CYP11B2: variants seen among roughly 807,000 people sequenced by gnomAD.
CYP11B2 encodes cytochrome P450 family 11 subfamily B member 2, also known as cytochrome P450 11B2, mitochondrial.
In CYP11B2, 38 loss-of-function variants were observed where a neutral mutation model predicts 49.3. That is an observed-to-expected ratio of 0.77 (90% confidence interval 0.59 to 1.01). The LOEUF (loss-of-function observed/expected upper bound fraction) is 1.01, where lower values mean the gene tolerates loss of function less well. CYP11B2 is among the 50% of genes least tolerant of loss of function. The pLI is 0.00. For synonymous variants in CYP11B2, 290 were observed against 269.3 expected, an observed-to-expected ratio of 1.08 and a Z score of -0.75; for missense variants, 669 against 655.5, an observed-to-expected ratio of 1.02 and a Z score of -0.23.
intron 1 of CYP11B2, 64 bp from the exon 2 acceptor site, chr8:142,917,278 T>A: frequency 6.4e-7 from 1 of 1,558,286 alleles, no homozygotes; most frequent in Non-Finnish European, 8.8e-7. Context: ...CACCCTGCAG[T>A]CCCAATCCAA....
Position 142,917,700 on chromosome 8 carries a change from G to C in CYP11B2, c.141C>G (p.Asn47Lys). 6.2e-7 allele frequency: 1 copy of C among 1,614,174 alleles called. No homozygotes were observed. Among genetic ancestry groups the C allele is most frequent in the Non-Finnish European group, 8.5e-7 (1 of 1,179,966 alleles). The change falls in exon 1 of 9, where the codon AAC becomes AAG. Residue 47 changes from asparagine to lysine, a missense_variant. Asn to Lys is a moderately conservative substitution (Grantham distance 94). Transcript: ENST00000323110. ...AGATCTGCAGCAGCCTCAGCCACCT[G>C]TTGCCTGGATGCTGGGGCATGGCTT... Reference protein sequence around the residue: ...PFEAMPQHPGNRWLRLLQIWR... With the variant: ...PFEAMPQHPGKRWLRLLQIWR...
At position 142,917,763 on chromosome 8, in the gene CYP11B2, A is replaced by G; in HGVS notation, c.78T>C (p.Thr26=). 6.2e-7 allele frequency: 1 copy of G among 1,614,186 alleles called. No homozygotes were observed. The highest frequency in any genetic ancestry group is 2.2e-5 in the East Asian group (1 of 44,888). ...CCGTCCTAGGGGCCCGAGCGGCTCT[A>G]GTGCCCAGTGCCCGTGCCCTTTGCA... ...LSLQRARALG[T]RAARAPRTVL... is the part of the protein sequence containing the mutation. The change falls in exon 1 of 9, where the codon ACT becomes ACC. Residue 26 remains threonine, a synonymous_variant. Coordinates refer to ENST00000323110, the MANE Select transcript of CYP11B2 (RefSeq NM_000498.3).
Position 142,911,497 on chromosome 8 carries a change from G to A in CYP11B2, c.*483C>T, listed in dbSNP as rs1817534365. 5.2e-6 allele frequency: 1 copy of A among 191,508 alleles called. No individual in the cohort carries two copies. 11.9% of individuals were successfully genotyped at this position (191,508 alleles called of 1,614,324 possible). ...TCAGGGCATGCTCGAGCTGCCTGGGGTCAGGCTGCAGGAGGGAACTTGACT... is the reference window on the plus strand; with the variant it reads ...TCAGGGCATGCTCGAGCTGCCTGGGATCAGGCTGCAGGAGGGAACTTGACT... On this transcript the variant is annotated 3_prime_UTR_variant, in exon 9 of 9. Coordinates refer to ENST00000323110, the MANE Select transcript of CYP11B2 (RefSeq NM_000498.3).
intron 2 of CYP11B2, among the ~76,000 whole-genome samples, chr8:142,915,997 C>A (rs530981721): frequency 6.6e-6 from 1 of 152,312 alleles, no homozygotes; most frequent in East Asian, 1.9e-4. Context: ...GACGCATGTG[C>A]ATGTGTGCAC....
rs772456092 is a variant in CYP11B2 at position 142,912,817 on chromosome 8, A to G, written c.1190T>C (p.Ile397Thr). 3.7e-6 allele frequency: 6 copies of G among 1,613,710 alleles called. No individual in the cohort carries two copies. The East Asian group carries it at 1.1e-4, about 30-fold the overall frequency. The change falls in exon 7 of 9, where the codon ATC becomes ACC. Residue 397 changes from isoleucine to threonine, a missense_variant. Transcript: ENST00000323110. The stretch of plus-strand genomic sequence containing the variant: ...GTGGGGCTCACTCACCCCAGCTGGG[A>G]TGTGGTAGTTCTGAAGCACCAAGTC... Reference protein sequence around the residue: ...SSDLVLQNYHIPAGTLVQVFL... With the variant: ...SSDLVLQNYHTPAGTLVQVFL...
Position 142,911,788 on chromosome 8 carries a change from G to T in CYP11B2, c.*192C>A. On this transcript the variant is annotated 3_prime_UTR_variant, in exon 9 of 9. Transcript: ENST00000323110. Reference sequence around the variant, plus strand: ...TGCCAGCAAGATCGTCTCCAGCTGTGCCCTGGCCTTGCTATTTGACAAGCC... The same window carrying T: ...TGCCAGCAAGATCGTCTCCAGCTGTTCCCTGGCCTTGCTATTTGACAAGCC... 1.3e-6 allele frequency: 1 copy of T among 795,172 alleles called. No individual in the cohort carries two copies. The highest frequency in any genetic ancestry group is 2.0e-6 in the Non-Finnish European group (1 of 508,738). 49.3% of individuals were successfully genotyped at this position (795,172 alleles called of 1,614,324 possible).
chr8:142,912,485 C>T (rs1817552889), intron 8 of CYP11B2, 45 bp downstream of exon 8: 1 of 1,591,580 alleles, frequency 6.3e-7, no homozygotes, highest in East Asian at 2.2e-5. Flanking sequence ...GTGCAGGTCC[C>T]GCCTCTGCTG....
Position 142,911,776 on chromosome 8 carries a change from G to A in CYP11B2, c.*204C>T, listed in dbSNP as rs773811282. The stretch of plus-strand genomic sequence containing the variant: ...AAGGCCAGGCCCTGCCAGCAAGATC[G>A]TCTCCAGCTGTGCCCTGGCCTTGCT... On this transcript the variant is annotated 3_prime_UTR_variant, in exon 9 of 9. Transcript: ENST00000323110. The A allele has an allele frequency of 4.1e-5, 29 of 711,406 alleles. No individual in the cohort carries two copies. The highest frequency in any genetic ancestry group is 4.8e-5 in the Non-Finnish European group (21 of 441,638). 44.1% of individuals were successfully genotyped at this position (711,406 alleles called of 1,614,324 possible).
Position 142,917,147 on chromosome 8 carries a change from C to T in CYP11B2, c.307G>A (p.Val103Met). 6.2e-7 allele frequency: 1 copy of T among 1,614,234 alleles called. No homozygotes were observed. Residue 103 changes from valine (V) to methionine (M), a missense_variant, in exon 2 of 9, where the codon GTG (valine) becomes ATG (methionine). Coordinates refer to ENST00000323110, the MANE Select transcript of CYP11B2 (RefSeq NM_000498.3). Reference protein sequence around the residue: ...LPEDVEKLQQVDSLHPCRMIL... With the variant: ...LPEDVEKLQQMDSLHPCRMIL... ...ATCCTGCAGGGATGCAGGCTGTCCACCTGTTGCAGCTTCTCCACATCCTCC... is the reference window on the plus strand; with the variant it reads ...ATCCTGCAGGGATGCAGGCTGTCCATCTGTTGCAGCTTCTCCACATCCTCC...
intron 8 of CYP11B2, 132 bp from the exon 9 acceptor site, chr8:142,912,225 T>A: frequency 2.0e-6 from 3 of 1,473,380 alleles, no homozygotes; most frequent in Non-Finnish European, 2.8e-6. Flanking sequence ...CCTATCCCAC[T>A]TCTGACCAGC....
Position 142,914,984 on chromosome 8 carries a change from T to C in CYP11B2, c.595+62A>G, listed in dbSNP as rs6416. 2.1e-3 allele frequency: 3,317 copies of C among 1,610,858 alleles called. 11 individuals are homozygous for C. Among genetic ancestry groups the C allele is most frequent in the African/African-American group, 4.2e-3 (315 of 74,644 alleles). ...TGCCTCCCCACACTCCCTTCAGTCC[T>C]CCATCCCCATCCCTGGCCACTCCAG... On this transcript the variant is annotated intron_variant, in intron 3 of 8. Transcript: ENST00000323110.
rs1444702159 is a variant in CYP11B2, at chr8:142,917,745, A to T, written c.96T>A (p.Pro32=). The change falls in exon 1 of 9, where the codon CCT becomes CCA. Residue 32 remains proline, a synonymous_variant. Transcript: ENST00000323110. Reference sequence around the variant, plus strand: ...TGGCTTCAAACGGCAGCACCGTCCTAGGGGCCCGAGCGGCTCTAGTGCCCA... The same window carrying T: ...TGGCTTCAAACGGCAGCACCGTCCTTGGGGCCCGAGCGGCTCTAGTGCCCA... ...RALGTRAARA[P]RTVLPFEAMP... 6.2e-7 allele frequency: 1 copy of T among 1,614,160 alleles called. No individual in the cohort carries two copies. Among genetic ancestry groups the T allele is most frequent in the South Asian group, 1.1e-5 (1 of 91,086 alleles).
Position 142,912,879 on chromosome 8 carries a change from G to A in CYP11B2, c.1128C>T (p.Tyr376=), listed in dbSNP as rs1817565116. 6.2e-7 allele frequency: 1 copy of A among 1,613,138 alleles called. No homozygotes were observed. The highest frequency in any genetic ancestry group is 8.5e-7 in the Non-Finnish European group (1 of 1,179,616). Residue 376 remains tyrosine, a synonymous_variant, in exon 7 of 9, where the codon TAC becomes TAT. Transcript: ENST00000323110. ...RAALKETLRL[Y]PVGLFLERVV... is the part of the protein sequence containing the mutation. Reference sequence around the variant, plus strand: ...CTCGCTCCAAAAACAGACCCACAGGGTAGAGCCTGGAGGTGGGGGCATCCA... The same window carrying A: ...CTCGCTCCAAAAACAGACCCACAGGATAGAGCCTGGAGGTGGGGGCATCCA...
At chr8:142,916,703 C>A (rs976815891) in intron 2 of CYP11B2, among the ~76,000 whole-genome samples, 19 of 152,150 alleles carry the variant, frequency 1.2e-4, no homozygotes, top group Admixed American at 2.0e-4. Flanking sequence ...CAGTGGAAGT[C>A]CCCTTCTCAG....
rs1339941996 is a variant in CYP11B2 at position 142,914,285 on chromosome 8, G to T, written c.933C>A (p.Leu311=). The T allele has an allele frequency of 6.2e-7, 1 of 1,614,214 alleles. No individual in the cohort carries two copies. Among genetic ancestry groups the T allele is most frequent in the Non-Finnish European group, 8.5e-7 (1 of 1,180,034 alleles). Residue 311 remains leucine, a synonymous_variant, in exon 5 of 9, where the codon CTC becomes CTA. Coordinates refer to ENST00000323110, the MANE Select transcript of CYP11B2 (RefSeq NM_000498.3). Reference sequence around the variant, plus strand: ...TGACCGTGTCCACGCTCCCTGCAGTGAGTTCCATAGAGTTGGCCTTGATGG... The same window carrying T: ...TGACCGTGTCCACGCTCCCTGCAGTTAGTTCCATAGAGTTGGCCTTGATGG... ...LEAIKANSME[L]TAGSVDTTAF...
chr8:142,913,327 G>T lies in CYP11B2; in HGVS notation c.1079C>A (p.Thr360Asn), dbSNP rs1329708933. The change falls in exon 6 of 9, where the codon ACC becomes AAC. Residue 360 changes from threonine (T) to asparagine (N), a missense_variant. By Grantham distance (65) the Thr-to-Asn change is moderately conservative (BLOSUM62 0). Transcript: ENST00000323110. ...SISEHPQKAT[T>N]ELPLLRAALK... ...GGCCGCCCGCAGCAAGGGCAGCTCG[G>T]TGGTTGCCTTCTGGGGATGTTCACT... 7 of 1,614,068 alleles carry T rather than the reference G, an allele frequency of 4.3e-6. No homozygotes were observed. The highest frequency in any genetic ancestry group is 1.7e-5 in the Admixed American group (1 of 60,030).
rs1817521066 is a variant in CYP11B2, at chr8:142,910,872, C to A, written c.*1108G>T. 1 of 152,234 alleles carries A rather than the reference C, an allele frequency of 6.6e-6. No homozygotes were observed. Among genetic ancestry groups the A allele is most frequent in the Admixed American group, 6.5e-5 (1 of 15,280 alleles). 9.4% of individuals were successfully genotyped at this position (152,234 alleles called of 1,614,324 possible). ...GCTACCAGGAGCTGGCTGCTGAGAT[C>A]TTTGCCCTAATGAAAATCCCAGGAG... On this transcript the variant is annotated 3_prime_UTR_variant, in exon 9 of 9. Transcript: ENST00000323110. The surrounding 1 kb of genome is among the most constrained non-coding windows in gnomAD (Gnocchi z 4.6).
At position 142,915,090 on chromosome 8, in the gene CYP11B2, A is replaced by G. The variant is rs1817618401; in HGVS notation, c.551T>C (p.Leu184Pro). ...KKVLQNARGS[L>P]TLDVQPSIFH... is the part of the protein sequence containing the mutation. ...GATGCTGGGCTGGACGTCCAGGGTC[A>G]GGCTCCCCCGGGCGTTCTGCAGCAC... The change falls in exon 3 of 9, where the codon CTG (leucine) becomes CCG (proline). Residue 184 changes from leucine to proline, a missense_variant. Coordinates refer to ENST00000323110, the MANE Select transcript of CYP11B2 (RefSeq NM_000498.3). 1 of 1,613,810 alleles carries G rather than the reference A, an allele frequency of 6.2e-7. No individual in the cohort carries two copies. Among genetic ancestry groups the G allele is most frequent in the Non-Finnish European group, 8.5e-7 (1 of 1,179,928 alleles).
intron 5 of CYP11B2, among the ~76,000 whole-genome samples, chr8:142,913,662 G>A (rs1274723150): frequency 1.3e-5 from 2 of 152,074 alleles, no homozygotes; most frequent in Non-Finnish European, 2.9e-5. Flanking sequence ...CTCCACCAAG[G>A]CCCAGGTCCC....
Sources: gnomAD v4.1 joint callset for allele counts (sites outside exome capture counted in the v4.1 genomes callset) on GRCh38, gnomAD v4.1.1 for gene constraint, Gnocchi (gnomAD v3.1) non-coding constraint, MANE v1.5 for transcripts, NCBI Gene and HGNC (gene_info 2026-07-23, HGNC 2026-07-21) for gene names.